MPPED2: variants seen among roughly 807,000 people sequenced by gnomAD.
The protein encoded by MPPED2 is metallophosphoesterase domain containing 2.
In MPPED2, 5 loss-of-function variants were observed where a neutral mutation model predicts 33.0. The ratio of observed to expected loss-of-function variants is 0.15; its 90% CI spans 0.08 to 0.32. MPPED2 has a LOEUF of 0.32. MPPED2 is among the 10% of genes least tolerant of loss of function. The pLI, the probability that MPPED2 is intolerant of heterozygous loss-of-function variation, is 1.00. For synonymous variants in MPPED2, 136 were observed against 141.9 expected (o/e 0.96, Z 0.29); for missense variants, 275 against 372.1 (o/e 0.74, Z 2.15).
At chr11:30,481,282 A>G (rs1430476553) in intron 4 of MPPED2, among the ~76,000 whole-genome samples, 1 of 152,048 alleles carries the variant, frequency 6.6e-6, no homozygotes, top group Non-Finnish European at 1.5e-5. Context: ...CATAAGTTAT[A>G]TTTTCCATAA....
At chr11:30,551,277 A>G (rs1446435466) in intron 2 of MPPED2, among the ~76,000 whole-genome samples, 3 of 152,192 alleles carry the variant, frequency 2.0e-5, no homozygotes, top group Non-Finnish European at 4.4e-5. Flanking sequence ...AGAGAACCCT[A>G]TAAGGTAGGT....
intron 2 of MPPED2, among the ~76,000 whole-genome samples, chr11:30,569,154 C>T (rs1032567861): frequency 2.0e-5 from 3 of 151,884 alleles, no homozygotes; most frequent in African/African-American, 4.8e-5. Flanking sequence ...GTGGTGGGGT[C>T]GAGATGGAGA....
intron 6 of MPPED2, among the ~76,000 whole-genome samples, chr11:30,412,892 C>G (rs1018236005): frequency 9.2e-5 from 14 of 152,164 alleles, no homozygotes; most frequent in African/African-American, 2.7e-4. Flanking sequence ...TGCACGAATT[C>G]AGACCTGTTT....
At chr11:30,442,804 G>A (rs1449249777) in intron 4 of MPPED2, among the ~76,000 whole-genome samples, 1 of 152,182 alleles carries the variant, frequency 6.6e-6, no homozygotes, top group South Asian at 2.1e-4. Flanking sequence ...GAGCTCGGGA[G>A]TTGGAGGCCA....
intron 3 of MPPED2, among the ~76,000 whole-genome samples, chr11:30,512,324 C>A (rs1953257409): frequency 6.6e-6 from 1 of 152,106 alleles, no homozygotes; most frequent in South Asian, 2.1e-4. Context: ...CTCGGCTCTG[C>A]CAAGATGGCC....
At chr11:30,461,737 C>G (rs149110786) in intron 4 of MPPED2, among the ~76,000 whole-genome samples, 88 of 152,246 alleles carry the variant, frequency 5.8e-4, no homozygotes, top group Admixed American at 2.7e-3. Context: ...GGGGCTAAAT[C>G]TTATTTATGA....
intron 4 of MPPED2, among the ~76,000 whole-genome samples, chr11:30,467,892 T>A (rs1485505177): frequency 6.6e-6 from 1 of 152,102 alleles, no homozygotes; most frequent in Admixed American, 6.6e-5. Context: ...TTATTCAGAA[T>A]CCTTAGCTCC....
At chr11:30,528,696 T>G (rs1056826158) in intron 3 of MPPED2, among the ~76,000 whole-genome samples, 4 of 152,196 alleles carry the variant, frequency 2.6e-5, no homozygotes, top group African/African-American at 9.6e-5. Flanking sequence ...TGGGCTCAAG[T>G]GATCCTTAGG....
intron 6 of MPPED2, among the ~76,000 whole-genome samples, chr11:30,412,515 G>A (rs905229461): frequency 2.6e-5 from 4 of 152,066 alleles, no homozygotes; most frequent in African/African-American, 9.7e-5. Flanking sequence ...ATATAGAGAA[G>A]TAACTGAAAA....
chr11:30,401,763 C>A (rs1947911204), intron 6 of MPPED2, among the ~76,000 whole-genome samples: 1 of 152,162 alleles, frequency 6.6e-6, no homozygotes, highest in Admixed American at 6.5e-5. Flanking sequence ...CAGCTCACTG[C>A]AAGCTCCATC....
At chr11:30,538,794 C>G (rs1590769774) in intron 2 of MPPED2, among the ~76,000 whole-genome samples, 1 of 152,014 alleles carries the variant, frequency 6.6e-6, no homozygotes, top group Non-Finnish European at 1.5e-5. Flanking sequence ...GGAGAATGCA[C>G]AGAAGATCGA....
At chr11:30,474,483 G>A (rs1304211719) in intron 4 of MPPED2, among the ~76,000 whole-genome samples, 2 of 152,100 alleles carry the variant, frequency 1.3e-5, no homozygotes, top group Non-Finnish European at 2.9e-5. Flanking sequence ...AATTTGTGTG[G>A]TACCGATGGG....
chr11:30,475,551 G>A (rs766406055), intron 4 of MPPED2, among the ~76,000 whole-genome samples: 14 of 152,192 alleles, frequency 9.2e-5, no homozygotes, highest in Admixed American at 2.0e-4. Flanking sequence ...CACAGTAAAT[G>A]TACTCTTTTG....
At chr11:30,402,045 C>T (rs1014236462) in intron 6 of MPPED2, among the ~76,000 whole-genome samples, 1 of 151,898 alleles carries the variant, frequency 6.6e-6, no homozygotes, top group African/African-American at 2.4e-5. Flanking sequence ...TCAGAATTGC[C>T]TCTAGGTCAG....
intron 2 of MPPED2, among the ~76,000 whole-genome samples, chr11:30,560,999 T>C (rs1956216800): frequency 6.6e-6 from 1 of 152,214 alleles, no homozygotes; most frequent in African/African-American, 2.4e-5. Flanking sequence ...CAAGGTCAAC[T>C]GTGTGAGTAA....
At chr11:30,407,490 G>C (rs530773917), downstream of MPPED2, among the ~76,000 whole-genome samples, 15 of 152,328 alleles carry the variant, frequency 9.8e-5, no homozygotes, top group Admixed American at 9.8e-4. Context: ...TATGAAGAGA[G>C]GCTTGTTACG....
rs1297445424 is a variant in MPPED2 at position 30,585,426 on chromosome 11, A to G, written c.-122+616T>C. 3.3e-5 allele frequency among the ~76,000 whole-genome samples: 5 copies of G among 151,868 alleles called. No individual in the cohort carries two copies. The East Asian group carries it at 9.8e-4, about 30-fold the overall frequency. On this transcript the variant is annotated intron_variant, in intron 1 of 6. Coordinates refer to ENST00000358117, the MANE Select transcript of MPPED2 (RefSeq NM_001584.3). The stretch of plus-strand genomic sequence containing the variant: ...GGCCGCGGGGCGCAGCCGGAGCACA[A>G]AGCTGCGCGGTGCCTTCCCCTCGTC...
At position 30,495,189 on chromosome 11, in the gene MPPED2, T is replaced by C. The variant is rs1952196929; in HGVS notation, c.536+107A>G. On this transcript the variant is annotated intron_variant, in intron 4 of 6. Transcript: ENST00000358117. ...TTTTGTTGGAAATACAGCAATAAGG[T>C]TTCCTTTCATCCTAATCATTTTCAT... 4 of 762,894 alleles carry C rather than the reference T, an allele frequency of 5.2e-6. No homozygotes were observed. The Admixed American group carries it at 7.3e-5, about 14-fold the overall frequency. The allele number at this position is 762,894 out of a possible 1,614,324, so 47.3% of individuals were successfully genotyped here.
intron 3 of MPPED2, among the ~76,000 whole-genome samples, chr11:30,523,621 CTTTTTTTTTT>C (rs755853042): frequency 9.6e-6 from 1 of 104,572 alleles, no homozygotes; most frequent in South Asian, 3.5e-4. Flanking sequence ...AGCAACACAT[CTTTTTTTTTT>C]TTTTTTTTTT....
Sources: allele counts gnomAD v4.1 joint callset (sites outside exome capture counted in the v4.1 genomes callset), GRCh38; gene constraint gnomAD v4.1.1; transcripts MANE v1.5; gene names NCBI Gene and HGNC (gene_info 2026-07-23, HGNC 2026-07-21).